Variants in PAPPA observed in about 807,000 individuals in gnomAD.
The protein encoded by PAPPA is pappalysin 1.
In PAPPA, 60 loss-of-function variants were observed where a neutral mutation model predicts 164.0. That is an observed-to-expected ratio of 0.37 (90% CI 0.30 to 0.45). PAPPA has a LOEUF of 0.45. PAPPA is among the 20% of genes least tolerant of loss of function. The pLI is 1.00. For missense variants in PAPPA, 1,782 were observed against 2,087.3 expected (o/e 0.85, Z 2.85); for synonymous variants, 875 against 814.1 (o/e 1.07, Z -1.27).
chr9:116,183,195 A>G (rs1350035134), intron 1 of PAPPA, among the ~76,000 whole-genome samples: 1 of 152,150 alleles, frequency 6.6e-6, no homozygotes, highest in African/African-American at 2.4e-5. Context: ...TGTGTCCTCC[A>G]GAGAACAGCA....
At chr9:116,388,396 C>T (rs3789304) in intron 21 of PAPPA, among the ~76,000 whole-genome samples, 59,201 of 152,002 alleles carry the variant, frequency 0.39, 11,959 homozygotes, top group Middle Eastern at 0.44. Context: ...TAAGTAAGCA[C>T]GTGTTAGGGT....
chr9:116,171,939 T>C (rs1481201754), intron 1 of PAPPA, among the ~76,000 whole-genome samples: 1 of 152,220 alleles, frequency 6.6e-6, no homozygotes, highest in African/African-American at 2.4e-5. Context: ...AGTCACATGA[T>C]AATCATGCAG....
chr9:116,171,836 G>T (rs1843779405), intron 1 of PAPPA, among the ~76,000 whole-genome samples: 1 of 152,178 alleles, frequency 6.6e-6, no homozygotes, highest in Non-Finnish European at 1.5e-5. Flanking sequence ...GGAGTTGCTT[G>T]CAGACAGCAA....
intron 15 of PAPPA, among the ~76,000 whole-genome samples, chr9:116,351,484 A>G (rs1246835260): frequency 6.6e-6 from 1 of 152,236 alleles, no homozygotes; most frequent in African/African-American, 2.4e-5. Flanking sequence ...GCACCCTGAA[A>G]GGCAGAAGCA....
chr9:116,227,581 C>T, intron 6 of PAPPA, 29 bp downstream of exon 6: 1 of 1,612,412 alleles, frequency 6.2e-7, no homozygotes. Context: ...AGCTCATTGA[C>T]AGGAGGAGTG....
intron 10 of PAPPA, among the ~76,000 whole-genome samples, chr9:116,314,283 A>G (rs1205225550): frequency 1.3e-5 from 2 of 151,446 alleles, no homozygotes; most frequent in African/African-American, 2.4e-5. Context: ...GTTGGCCAGG[A>G]TGGTCTCGAT....
intron 1 of PAPPA, among the ~76,000 whole-genome samples, chr9:116,172,254 C>T (rs1400443689): frequency 6.6e-6 from 1 of 152,150 alleles, no homozygotes; most frequent in Admixed American, 6.5e-5. Flanking sequence ...ATTCTAACCC[C>T]TCCACCATAA....
chr9:116,336,769 G>C (rs966544919), intron 13 of PAPPA, among the ~76,000 whole-genome samples: 1 of 152,180 alleles, frequency 6.6e-6, no homozygotes, highest in Admixed American at 6.5e-5. Flanking sequence ...CCTTGGATTA[G>C]TCATTCCCCT....
intron 10 of PAPPA, among the ~76,000 whole-genome samples, chr9:116,317,806 A>G (rs1362721554): frequency 3.3e-5 from 5 of 152,172 alleles, no homozygotes; most frequent in Admixed American, 1.3e-4. Context: ...GCTCCTGTCT[A>G]GAGTTGAGTG....
At chr9:116,358,386 C>A (rs551483239) in intron 17 of PAPPA, among the ~76,000 whole-genome samples, 17 of 152,360 alleles carry the variant, frequency 1.1e-4, no homozygotes, top group African/African-American at 3.1e-4. Flanking sequence ...AAATGATTCA[C>A]AGCAGTTGAA....
chr9:116,283,918 A>G (rs536610790), intron 9 of PAPPA, among the ~76,000 whole-genome samples: 1 of 152,342 alleles, frequency 6.6e-6, no homozygotes, highest in East Asian at 1.9e-4. Flanking sequence ...CCGAAGCACA[A>G]GGACCACTTG....
intron 17 of PAPPA, among the ~76,000 whole-genome samples, chr9:116,360,630 T>G (rs1318554483): frequency 6.6e-6 from 1 of 152,254 alleles, no homozygotes; most frequent in Non-Finnish European, 1.5e-5. Context: ...ATTTATTTCC[T>G]CATCTGTGTG....
At chr9:116,174,345 T>C (rs952205849) in intron 1 of PAPPA, among the ~76,000 whole-genome samples, 9 of 152,220 alleles carry the variant, frequency 5.9e-5, no homozygotes, top group African/African-American at 1.9e-4. Context: ...TGGGCCAAGA[T>C]GAGGTGATGG....
chr9:116,168,294 A>G (rs1587936216), intron 1 of PAPPA, among the ~76,000 whole-genome samples: 1 of 151,762 alleles, frequency 6.6e-6, no homozygotes, highest in South Asian at 2.1e-4. Flanking sequence ...AGCAATTTTT[A>G]TATATTATAC....
chr9:116,262,566 A>G (rs1444342678), intron 7 of PAPPA, among the ~76,000 whole-genome samples: 1 of 152,198 alleles, frequency 6.6e-6, no homozygotes, highest in African/African-American at 2.4e-5. Flanking sequence ...TGTTGGCAAG[A>G]CTGGAAACGG....
At position 116,186,291 on chromosome 9, in the gene PAPPA, T is replaced by TAG. The variant is rs1487662611; in HGVS notation, c.416-862_416-861insGA. Among the ~76,000 whole-genome samples the TAG allele has an allele frequency of 2.7e-3, 404 of 148,990 alleles. 5 individuals are homozygous for TAG. Among genetic ancestry groups the TAG allele is most frequent in the African/African-American group, 8.4e-3 (346 of 41,092 alleles). On this transcript the variant is annotated intron_variant, in intron 1 of 21. Coordinates refer to ENST00000328252, the MANE Select transcript of PAPPA (RefSeq NM_002581.5). ...ATAGATATAGATATAGATATAGATATATATAGACAGAGAGAGAGGCATCAG... is the reference window on the plus strand; with the variant it reads ...ATAGATATAGATATAGATATAGATATAGATATAGACAGAGAGAGAGGCATCAG...
At chr9:116,380,854 C>T (rs1383258797) in intron 20 of PAPPA, among the ~76,000 whole-genome samples, 1 of 152,148 alleles carries the variant, frequency 6.6e-6, no homozygotes, top group Non-Finnish European at 1.5e-5. Context: ...AACAGAGAGG[C>T]AAAAGCCAGG....
chr9:116,357,339 A>G (rs1426915305), intron 17 of PAPPA, among the ~76,000 whole-genome samples: 5 of 152,254 alleles, frequency 3.3e-5, no homozygotes, highest in African/African-American at 1.2e-4. Flanking sequence ...CACTTACGGT[A>G]TTCTCGTCTC....
intron 1 of PAPPA, among the ~76,000 whole-genome samples, chr9:116,174,458 T>C (rs935662062): frequency 2.0e-5 from 3 of 152,146 alleles, no homozygotes; most frequent in African/African-American, 7.2e-5. Context: ...GTATGAAATT[T>C]ACATCATTTG....
Sources: allele counts gnomAD v4.1 joint callset (sites outside exome capture counted in the v4.1 genomes callset), GRCh38; gene constraint gnomAD v4.1.1; transcripts MANE v1.5; gene names NCBI Gene and HGNC (gene_info 2026-07-23, HGNC 2026-07-21).